Variants in PRRC2C observed in about 807,000 individuals in gnomAD.
The protein encoded by PRRC2C is proline rich coiled-coil 2C.
In PRRC2C, 72 loss-of-function variants were observed where a neutral mutation model predicts 317.2. The observed-to-expected ratio is 0.23, with a 90% CI of 0.19 to 0.28. The LOEUF (loss-of-function observed/expected upper bound fraction) is 0.28. Among genes scored for constraint, PRRC2C ranks in the 10% least tolerant of loss-of-function variants. The pLI is 1.00. For missense variants in PRRC2C, 3,074 were observed against 3,459.7 expected, an observed-to-expected ratio of 0.89 and a Z score of 2.80; for synonymous variants, 1,296 against 1,205.9, an observed-to-expected ratio of 1.07 and a Z score of -1.55.
At chr1:171,577,298 A>G (rs1558038272) in intron 25 of PRRC2C, 136 bp from the exon 26 acceptor site, 1 of 624,750 alleles carries the variant, frequency 1.6e-6, no homozygotes. Context: ...TACCTCATCT[A>G]CTTTTGGCCT....
Position 171,540,354 on chromosome 1 carries a change from A to T in PRRC2C, c.2888A>T (p.Glu963Val), listed in dbSNP as rs1274396924. 1 of 1,612,882 alleles carries T rather than the reference A, an allele frequency of 6.2e-7. No individual in the cohort carries two copies. The highest frequency in any genetic ancestry group is 8.5e-7 in the Non-Finnish European group (1 of 1,179,618). Residue 963 changes from glutamate to valine, a missense_variant, in exon 16 of 35, where the codon GAA becomes GTA. By Grantham distance (121) the Glu-to-Val change is moderately radical. Transcript: ENST00000647382. ...SRCIDSKEPI[E>V]RPEEKPKKEG... The stretch of plus-strand genomic sequence containing the variant: ...TGCATTGATTCAAAAGAACCAATAG[A>T]AAGGCCAGAGGAGAAACCAAAAAAG...
chr1:171,586,264 T>C (rs1188951160), intron 30 of PRRC2C, among the ~76,000 whole-genome samples: 2 of 150,256 alleles, frequency 1.3e-5, no homozygotes, highest in African/African-American at 2.4e-5. Flanking sequence ...TATTTATTTT[T>C]TTTTTTAGTA....
chr1:171,496,089 A>G (rs1264873458), intron 1 of PRRC2C, among the ~76,000 whole-genome samples: 1 of 151,916 alleles, frequency 6.6e-6, no homozygotes, highest in African/African-American at 2.4e-5. Flanking sequence ...CCATCTCCAA[A>G]TATCAGCCCA....
intron 14 of PRRC2C, 140 bp downstream of exon 14, chr1:171,536,418 C>T (rs1261365109): frequency 4.1e-6 from 4 of 979,628 alleles, no homozygotes; most frequent in African/African-American, 3.3e-5. Context: ...CTTTCAGCAT[C>T]GAGTAATTAA....
intron 28 of PRRC2C, among the ~76,000 whole-genome samples, chr1:171,582,420 T>C (rs1648832853): frequency 6.6e-6 from 1 of 152,194 alleles, no homozygotes; most frequent in African/African-American, 2.4e-5. Context: ...CTGAGCTAAT[T>C]AGAGTGCATC....
chr1:171,527,592 A>G (rs1311928265), intron 10 of PRRC2C, among the ~76,000 whole-genome samples, 199 bp from the exon 11 acceptor site: 6 of 152,030 alleles, frequency 3.9e-5, no homozygotes, highest in Non-Finnish European at 8.8e-5. Flanking sequence ...CCCTGTCTCT[A>G]CTAAAAATGC....
intron 24 of PRRC2C, among the ~76,000 whole-genome samples, chr1:171,572,041 T>C (rs1313300618): frequency 6.6e-5 from 10 of 152,154 alleles, no homozygotes; most frequent in Admixed American, 6.5e-4. Flanking sequence ...GCTATGTTAA[T>C]GATTTTTTAC....
chr1:171,530,267 T>TTTG (rs1553220265), intron 11 of PRRC2C, among the ~76,000 whole-genome samples: 12 of 121,686 alleles, frequency 9.9e-5, no homozygotes, highest in East Asian at 2.6e-4. Flanking sequence ...TTTTTTTTTT[T>TTTG]GCGCAACAGA....
rs1313529954 is a variant in PRRC2C at position 171,566,837 on chromosome 1, T to C, written c.6552T>C (p.Asn2184=). 6 of 1,610,608 alleles carry C rather than the reference T, an allele frequency of 3.7e-6. No individual in the cohort carries two copies. Among genetic ancestry groups the C allele is most frequent in the Admixed American group, 3.4e-5 (2 of 59,502 alleles). ...ISVSSAEYGT[N]AKESVTDYTT... is the part of the protein sequence containing the mutation. ...TATCATCTGCAGAATATGGTACTAA[T>C]GCAAAGGTAAGCCACATGTAGGGAT... Residue 2184 remains asparagine (N), a synonymous_variant, in exon 22 of 35, where the codon AAT becomes AAC. Coordinates refer to ENST00000647382, the MANE Select transcript of PRRC2C (RefSeq NM_001387844.1).
At position 171,505,614 on chromosome 1, in the gene PRRC2C, A is replaced by T. The variant is rs112635962; in HGVS notation, c.-57-6418A>T. On this transcript the variant is annotated intron_variant, in intron 1 of 34. Transcript: ENST00000647382. ...TTTAGTATAGTGTTGAACAGAAAGA[A>T]GTGTTAAGAGAGAGTGGATATCCTT... Among the ~76,000 whole-genome samples, 1,023 of 152,266 alleles carry T rather than the reference A, an allele frequency of 6.7e-3. 15 individuals are homozygous for T. Among genetic ancestry groups the T allele is most frequent in the African/African-American group, 0.023 (971 of 41,552 alleles).
Position 171,514,549 on chromosome 1 carries a change from C to G in PRRC2C, c.304C>G (p.Pro102Ala). ...QHEEEKTPEV[P>A]PAQPKPGVAA... ...TTTTTTTTTAAGAACACCAGAAGTG[C>G]CACCAGCACAGCCAAAACCTGGGGT... The change falls in exon 4 of 35, where the codon CCA becomes GCA. Residue 102 changes from proline (P) to alanine (A), a missense_variant. Pro to Ala is a conservative substitution (Grantham distance 27). Around this residue, in one of 11 missense-constraint regions of PRRC2C, gnomAD observed 237 missense variants for 199.5 expected, o/e 1.19. Coordinates refer to ENST00000647382, the MANE Select transcript of PRRC2C (RefSeq NM_001387844.1). 1 of 1,555,948 alleles carries G rather than the reference C, an allele frequency of 6.4e-7. No homozygotes were observed. Among genetic ancestry groups the G allele is most frequent in the South Asian group, 1.2e-5 (1 of 84,192 alleles).
intron 23 of PRRC2C, among the ~76,000 whole-genome samples, chr1:171,568,659 A>G (rs555994873): frequency 6.6e-6 from 1 of 152,322 alleles, no homozygotes; most frequent in African/African-American, 2.4e-5. Flanking sequence ...TACAAATTTA[A>G]CATGAACGGT....
Position 171,496,199 on chromosome 1 carries a change from C to CTTTTTTTTTT in PRRC2C, c.-58+10479_-58+10488dup, listed in dbSNP as rs528654548. ...ATTTTTAGAGCTTTGATTTTTGTGC[C>CTTTTTTTTTT]TTTTTTTTTTTTTTTTTTTTTTTTG... On this transcript the variant is annotated intron_variant, in intron 1 of 34. Coordinates refer to ENST00000647382, the MANE Select transcript of PRRC2C (RefSeq NM_001387844.1). Among the ~76,000 whole-genome samples the CTTTTTTTTTT allele has an allele frequency of 2.6e-3, 197 of 75,656 alleles. 18 individuals carry two copies. Among genetic ancestry groups the CTTTTTTTTTT allele is most frequent in the East Asian group, 9.9e-3 (27 of 2,736 alleles). The allele number at this position is 75,656 out of a possible 152,430, so 49.6% of individuals were successfully genotyped here.
chr1:171,536,251 G>A lies in PRRC2C; in HGVS notation c.2266G>A (p.Ala756Thr), dbSNP rs1676803884. The A allele has an allele frequency of 1.2e-6, 2 of 1,613,754 alleles. No homozygotes were observed. Among genetic ancestry groups the A allele is most frequent in the Non-Finnish European group, 1.7e-6 (2 of 1,179,790 alleles). ...MDPRMMSGRP[A>T]MDIPPIHPGM... is the part of the protein sequence containing the mutation. Reference sequence around the variant, plus strand: ...TCCTCGAATGATGTCAGGAAGACCTGCTATGGATATTCCACCCATTCATCC... The same window carrying A: ...TCCTCGAATGATGTCAGGAAGACCTACTATGGATATTCCACCCATTCATCC... Residue 756 changes from alanine to threonine, a missense_variant, in exon 14 of 35, where the codon GCT becomes ACT. Transcript: ENST00000647382.
Position 171,592,659 on chromosome 1 carries a change from C to T in PRRC2C, c.*812C>T, listed in dbSNP as rs1472310321. 2.0e-5 allele frequency: 3 copies of T among 152,114 alleles called. No homozygotes were observed. Among genetic ancestry groups the T allele is most frequent in the Admixed American group, 1.3e-4 (2 of 15,274 alleles). 9.4% of individuals were successfully genotyped at this position (152,114 alleles called of 1,614,324 possible). Reference sequence around the variant, plus strand: ...TGCTGGTTAGGTTGAGTCTTCCTTGCCCCCACTCAGTCATCTTTGTATGAA... The same window carrying T: ...TGCTGGTTAGGTTGAGTCTTCCTTGTCCCCACTCAGTCATCTTTGTATGAA... On this transcript the variant is annotated 3_prime_UTR_variant, in exon 35 of 35. Coordinates refer to ENST00000647382, the MANE Select transcript of PRRC2C (RefSeq NM_001387844.1).
At chr1:171,529,682 A>T (rs757648023) in intron 11 of PRRC2C, among the ~76,000 whole-genome samples, 2 of 152,172 alleles carry the variant, frequency 1.3e-5, no homozygotes, top group Admixed American at 6.5e-5. Flanking sequence ...TGCCACCTTC[A>T]TCCCATATTC....
In PRRC2C at chr1:171,532,350, C is replaced by T; in HGVS notation, c.1262C>T (p.Pro421Leu). 1 of 1,610,794 alleles carries T rather than the reference C, an allele frequency of 6.2e-7. No homozygotes were observed. Among genetic ancestry groups the T allele is most frequent in the Non-Finnish European group, 8.5e-7 (1 of 1,178,632 alleles). The change falls in exon 12 of 35, where the codon CCT becomes CTT. Residue 421 changes from proline (P) to leucine (L), a missense_variant. Pro to Leu is a moderately conservative substitution (Grantham distance 98, BLOSUM62 -3). Around this residue, in one of 11 missense-constraint regions of PRRC2C, gnomAD observed 1,320 missense variants for 1,395.7 expected, o/e 0.95. Transcript: ENST00000647382. ...GATACCTTAATGTTTCAGCATCCACCTCCAGATCGACAGGCAGTACCTGGA... is the reference window on the plus strand; with the variant it reads ...GATACCTTAATGTTTCAGCATCCACTTCCAGATCGACAGGCAGTACCTGGA... Reference protein sequence around the residue: ...PPKLLAQQHPPPDRQAVPGRP... With the variant: ...PPKLLAQQHPLPDRQAVPGRP...
chr1:171,587,298 A>G, intron 31 of PRRC2C, 77 bp downstream of exon 31: 5 of 1,319,230 alleles, frequency 3.8e-6, no homozygotes, highest in Non-Finnish European at 5.1e-6. Context: ...TGTGTTATCT[A>G]AAAAACTAAA....
At chr1:171,573,432 C>T (rs1419952947) in intron 24 of PRRC2C, among the ~76,000 whole-genome samples, 8 of 152,168 alleles carry the variant, frequency 5.3e-5, no homozygotes, top group East Asian at 1.9e-4. Context: ...TCAGATGGTA[C>T]AGGTAAATTA....
Sources: gnomAD v4.1 joint callset for allele counts (sites outside exome capture counted in the v4.1 genomes callset) on GRCh38, gnomAD v4.1.1 for gene constraint, gnomAD v4.1.1 regional missense constraint, MANE v1.5 for transcripts, NCBI Gene and HGNC (gene_info 2026-07-23, HGNC 2026-07-21) for gene names.